SPTBN1: variants seen among roughly 807,000 people sequenced by gnomAD.
SPTBN1 encodes spectrin beta, non-erythrocytic 1, also known as spectrin beta chain, non-erythrocytic 1.
A neutral mutation model predicts 266.4 loss-of-function variants in SPTBN1; 32 were observed. The ratio of observed to expected loss-of-function variants is 0.12; its 90% CI spans 0.09 to 0.16. The LOEUF (loss-of-function observed/expected upper bound fraction) is 0.16, where lower values mean the gene tolerates loss of function less well. Ranked by LOEUF, SPTBN1 falls within the 10% of genes least tolerant of loss-of-function variation. The probability of loss-of-function intolerance (pLI) is 1.00; values close to 1 mark genes in which losing one functional copy is unlikely to be tolerated. For synonymous variants in SPTBN1, 1,336 were observed against 1,162.2 expected, an observed-to-expected ratio of 1.15 and a Z score of -3.04; for missense variants, 2,296 against 3,067.1, an observed-to-expected ratio of 0.75 and a Z score of 5.94.
intron 2 of SPTBN1, among the ~76,000 whole-genome samples, chr2:54,544,353 C>G (rs1672112987): frequency 6.6e-6 from 1 of 152,138 alleles, no homozygotes; most frequent in Admixed American, 6.5e-5. Context: ...GGGGGAAAAT[C>G]TTCTACCTCT....
chr2:54,640,814 A>C (rs563826582), intron 18 of SPTBN1, among the ~76,000 whole-genome samples: 25 of 152,338 alleles, frequency 1.6e-4, no homozygotes, highest in Non-Finnish European at 3.1e-4. Context: ...GGCCTCCCAA[A>C]GTGCTGGGAT....
At chr2:54,460,818 T>C (rs1693328423) in intron 1 of SPTBN1, among the ~76,000 whole-genome samples, 1 of 152,114 alleles carries the variant, frequency 6.6e-6, no homozygotes, top group South Asian at 2.1e-4. Flanking sequence ...CTGGCCAACA[T>C]GGTGAAACCC....
chr2:54,614,378 G>T (rs910633823), intron 4 of SPTBN1, among the ~76,000 whole-genome samples: 1 of 151,914 alleles, frequency 6.6e-6, no homozygotes, highest in African/African-American at 2.4e-5. Flanking sequence ...CAAGTTCCCA[G>T]TGTGTGTGTA....
chr2:54,668,076 G>T (rs759971073), intron 35 of SPTBN1, among the ~76,000 whole-genome samples: 1 of 152,270 alleles, frequency 6.6e-6, no homozygotes, highest in South Asian at 2.1e-4. Context: ...TTCTAGGGTG[G>T]GATCTGACCA....
At chr2:54,532,634 T>G (rs1344111446) in intron 2 of SPTBN1, among the ~76,000 whole-genome samples, 3 of 152,244 alleles carry the variant, frequency 2.0e-5, no homozygotes, top group African/African-American at 7.2e-5. Flanking sequence ...GTAGTTTTTA[T>G]GTTTTCTGTA....
intron 2 of SPTBN1, chr2:54,535,256 T>C (rs1361146797): frequency 6.6e-6 from 1 of 152,268 alleles, no homozygotes; most frequent in Non-Finnish European, 1.5e-5. Context: ...CAGTACAATT[T>C]ACATACCATA....
At chr2:54,529,318 A>G (rs753595109) in intron 2 of SPTBN1, 3 of 524,262 alleles carry the variant, frequency 5.7e-6, no homozygotes, top group East Asian at 3.9e-5. Flanking sequence ...AGTTACCTCA[A>G]AGATACACTT....
Position 54,558,729 on chromosome 2 carries a change from T to A in SPTBN1, c.148+32163T>A. On this transcript the variant is annotated intron_variant, in intron 2 of 35. Transcript: ENST00000356805. This position sits in a 1 kb window ranked among gnomAD's most constrained non-coding sequence, Gnocchi z 4.6. ...GTGTTGGATGGGAGTGGGAGGGGGCTGGAGCGAGATTTCCAGGGCGCAGTC... is the reference window on the plus strand; with the variant it reads ...GTGTTGGATGGGAGTGGGAGGGGGCAGGAGCGAGATTTCCAGGGCGCAGTC... 1.3e-6 allele frequency: 2 copies of A among 1,590,330 alleles called. No homozygotes were observed. Among genetic ancestry groups the A allele is most frequent in the Non-Finnish European group, 1.7e-6 (2 of 1,164,538 alleles).
At chr2:54,466,095 A>G (rs1410774273) in intron 1 of SPTBN1, among the ~76,000 whole-genome samples, 1 of 152,208 alleles carries the variant, frequency 6.6e-6, no homozygotes, top group East Asian at 1.9e-4. Context: ...CTCAACTGTG[A>G]CAGTAAACAT....
intron 1 of SPTBN1, among the ~76,000 whole-genome samples, chr2:54,506,862 A>G (rs1232051964): frequency 1.3e-5 from 2 of 149,170 alleles, no homozygotes; most frequent in Non-Finnish European, 1.5e-5. Flanking sequence ...CTCTCCAGAG[A>G]AAGTAAAGTT....
At chr2:54,461,712 C>G (rs757459450) in intron 1 of SPTBN1, among the ~76,000 whole-genome samples, 6 of 152,152 alleles carry the variant, frequency 3.9e-5, no homozygotes, top group Non-Finnish European at 8.8e-5. Flanking sequence ...ACATTATTAA[C>G]CATTTGGGTT....
In SPTBN1 at chr2:54,645,537, C is replaced by T. The variant is rs1679866414; in HGVS notation, c.4494+84C>T. 2.1e-6 allele frequency: 3 copies of T among 1,452,288 alleles called. No homozygotes were observed. Among genetic ancestry groups the T allele is most frequent in the Non-Finnish European group, 2.8e-6 (3 of 1,066,536 alleles). The allele number at this position is 1,452,288 out of a possible 1,614,324, so 90.0% of individuals were successfully genotyped here. A position where few individuals can be genotyped will look rare whatever the true frequency, so the allele number is the denominator to read the frequency against. On this transcript the variant is annotated intron_variant, in intron 21 of 35. Transcript: ENST00000356805. This position sits in a 1 kb window ranked among gnomAD's most constrained non-coding sequence, Gnocchi z 4.3. ...GCCCACATTCTCACTTCTCAGTCATCCTCACCTTGGGCCACGTTGGCAAGC... is the reference window on the plus strand; with the variant it reads ...GCCCACATTCTCACTTCTCAGTCATTCTCACCTTGGGCCACGTTGGCAAGC...
At chr2:54,526,304 C>A (rs1360911140) in intron 1 of SPTBN1, 68 bp from the exon 2 acceptor site, 10 of 1,295,466 alleles carry the variant, frequency 7.7e-6, no homozygotes, top group Non-Finnish European at 1.1e-5. Flanking sequence ...TCACTCTTAT[C>A]CCAGTTGGTT....
Position 54,647,018 on chromosome 2 carries a change from T to A in SPTBN1, c.4867-113T>A, listed in dbSNP as rs374925584. 8.4e-5 allele frequency: 127 copies of A among 1,516,690 alleles called. 1 individual carries two copies. In the East Asian group the frequency reaches 2.0e-3, roughly 24 times the overall value. 94.0% of individuals were successfully genotyped at this position (1,516,690 alleles called of 1,614,324 possible). ...CACTGTCCGTACTGCACCTCTGGAG[T>A]TTTTCTTTCTACTGATCCTTCCTCC... is the stretch of plus-strand genomic sequence containing the variant. On this transcript the variant is annotated intron_variant, in intron 23 of 35. Coordinates refer to ENST00000356805, the MANE Select transcript of SPTBN1 (RefSeq NM_003128.3).
At chr2:54,531,589 A>C (rs913204788) in intron 2 of SPTBN1, among the ~76,000 whole-genome samples, 4 of 150,438 alleles carry the variant, frequency 2.7e-5, no homozygotes, top group African/African-American at 4.9e-5. Flanking sequence ...AAGCCTGGCT[A>C]TATCGGTTTT....
At position 54,584,321 on chromosome 2, in the gene SPTBN1, ATTC is replaced by A. The variant is rs1253630899; in HGVS notation, c.149-14768_149-14766del. 5.3e-5 allele frequency among the ~76,000 whole-genome samples: 8 copies of A among 152,246 alleles called. 1 individual carries two copies. The highest frequency in any genetic ancestry group is 1.9e-4 in the African/African-American group (8 of 41,554). On this transcript the variant is annotated intron_variant, in intron 2 of 35. Transcript: ENST00000356805. ...TAGTCTTTTCTGTTTTGCTGTTGCT[ATTC>A]TTTTTGACAATTATTTTTTAAATCT...
chr2:54,578,162 C>T (rs1573454392), intron 2 of SPTBN1, among the ~76,000 whole-genome samples: 1 of 152,272 alleles, frequency 6.6e-6, no homozygotes, highest in South Asian at 2.1e-4. Flanking sequence ...ACTGTACTGG[C>T]ACTGAAGTAG....
At chr2:54,543,268 T>C (rs1397982144) in intron 2 of SPTBN1, among the ~76,000 whole-genome samples, 1 of 152,220 alleles carries the variant, frequency 6.6e-6, no homozygotes, top group Non-Finnish European at 1.5e-5. Flanking sequence ...CTTAAAATAA[T>C]GTGGAAGATT....
In SPTBN1 at chr2:54,624,848, T is replaced by A. The variant is rs751014180; in HGVS notation, c.1227T>A (p.Ala409=). The change falls in exon 11 of 36, where the codon GCT becomes GCA. Residue 409 remains alanine, a synonymous_variant. Coordinates refer to ENST00000356805, the MANE Select transcript of SPTBN1 (RefSeq NM_003128.3). ...LEKAEHEREL[A]LRNELIRQEK... ...AAGCGGAACACGAAAGAGAACTGGC[T>A]TTGCGGAATGAGCTCATAAGACAGG... 9.3e-6 allele frequency: 15 copies of A among 1,614,158 alleles called. No homozygotes were observed. In the Admixed American group the frequency reaches 2.2e-4, roughly 23 times the overall value.
Sources: gnomAD v4.1 joint callset for allele counts (sites outside exome capture counted in the v4.1 genomes callset) on GRCh38, gnomAD v4.1.1 for gene constraint, Gnocchi (gnomAD v3.1) non-coding constraint, MANE v1.5 for transcripts, NCBI Gene and HGNC (gene_info 2026-07-23, HGNC 2026-07-21) for gene names.